The following DYNC2I1 variants were observed in gnomAD, a reference collection of about 807,000 sequenced individuals.
The protein encoded by DYNC2I1 is dynein 2 intermediate chain 1, also known as cytoplasmic dynein 2 intermediate chain 1.
Under a neutral mutation model 133.4 loss-of-function variants are expected in DYNC2I1, and 89 were observed. The ratio of observed to expected loss-of-function variants is 0.67; its 90% confidence interval spans 0.56 to 0.80. The LOEUF is 0.80. DYNC2I1 is among the 30% of genes least tolerant of loss of function. The probability of loss-of-function intolerance (pLI) is 0.00; values close to 1 mark genes in which losing one functional copy is unlikely to be tolerated. For synonymous variants in DYNC2I1, 504 were observed against 484.3 expected (o/e 1.04, Z -0.54); for missense variants, 1,291 against 1,314.5 (o/e 0.98, Z 0.28).
In DYNC2I1 at chr7:158,941,935, CG is replaced by C; in HGVS notation, c.2791del (p.Asp931ThrfsTer9). On this transcript the variant is annotated frameshift_variant, in exon 24 of 25. Transcript: ENST00000407559. LOFTEE classifies it high-confidence loss of function. ...TCTTCCTGGTCATAGGCCGGCTGTTCGGACGGAAGCATCAGGCTGCACCAGC... is the reference window on the plus strand; with the variant it reads ...TCTTCCTGGTCATAGGCCGGCTGTTCGACGGAAGCATCAGGCTGCACCAGC... ...FGEPIFLAGC[S>X]DGSIRLHQLS... The C allele has an allele frequency of 5.6e-6, 9 of 1,604,006 alleles. No individual in the cohort carries two copies. Among genetic ancestry groups the C allele is most frequent in the Non-Finnish European group, 7.7e-6 (9 of 1,175,248 alleles).
At chr7:158,953,060 G>A (rs1401759058) in intron 4 of DYNC2I1, among the ~76,000 whole-genome samples, 5 of 152,324 alleles carry the variant, frequency 3.3e-5, no homozygotes, top group East Asian at 3.9e-4. Flanking sequence ...AGGACAGGGC[G>A]CCCTGTGGCC....
rs563920241 is a variant in DYNC2I1, at chr7:158,921,388, G to A, written c.1922-989G>A. Among the ~76,000 whole-genome samples the A allele has an allele frequency of 9.2e-5, 14 of 152,254 alleles. 1 individual carries two copies. Among genetic ancestry groups the A allele is most frequent in the African/African-American group, 2.9e-4 (12 of 41,542 alleles). On this transcript the variant is annotated intron_variant, in intron 15 of 24. Coordinates refer to ENST00000407559, the MANE Select transcript of DYNC2I1 (RefSeq NM_018051.5). The stretch of plus-strand genomic sequence containing the variant: ...GCGTTGGTTGCCATATCATAGTTCC[G>A]CTGTAACAGGAGGTACACGTTCCTA...
At chr7:158,931,968 G>A (rs970130676) in intron 21 of DYNC2I1, among the ~76,000 whole-genome samples, 2 of 152,186 alleles carry the variant, frequency 1.3e-5, no homozygotes, top group Non-Finnish European at 1.5e-5. Flanking sequence ...GGAAAGGGCC[G>A]GGAGGAGGCA....
At chr7:158,881,680 C>T (rs1341398267) in intron 5 of DYNC2I1, among the ~76,000 whole-genome samples, 1 of 152,130 alleles carries the variant, frequency 6.6e-6, no homozygotes, top group East Asian at 1.9e-4. Flanking sequence ...GTCTCAATCT[C>T]CTGACCTCAT....
intron 11 of DYNC2I1, among the ~76,000 whole-genome samples, chr7:158,910,657 AGG>A (rs1847342868): frequency 7.1e-6 from 1 of 140,466 alleles, no homozygotes; most frequent in African/African-American, 2.7e-5. Context: ...GGGCAATTGG[AGG>A]GCAATTGGCT....
chr7:158,929,171 C>T (rs1849936062), intron 20 of DYNC2I1, among the ~76,000 whole-genome samples: 1 of 152,182 alleles, frequency 6.6e-6, no homozygotes, highest in Non-Finnish European at 1.5e-5. Context: ...TCCGACCAGC[C>T]CGTTGTTCAG....
chr7:158,941,791 T>G (rs145342621), intron 23 of DYNC2I1, 134 bp from the exon 24 acceptor site: 2 of 959,780 alleles, frequency 2.1e-6, no homozygotes, highest in Middle Eastern at 2.2e-4. Context: ...GGCAGGAGGA[T>G]TGATTGAGCC....
At chr7:158,873,787 C>T (rs1368230900) in intron 3 of DYNC2I1, among the ~76,000 whole-genome samples, 1 of 152,130 alleles carries the variant, frequency 6.6e-6, no homozygotes, top group East Asian at 1.9e-4. Flanking sequence ...GATAGAGTCT[C>T]ACTCTGTTGC....
chr7:158,846,015 T>C, the DYNC2I1 span, among the ~76,000 whole-genome samples: 1 of 152,148 alleles, frequency 6.6e-6, no homozygotes, highest in African/African-American at 2.4e-5. Flanking sequence ...TTTCCAGCAC[T>C]CTGGGAGGCC....
Position 158,913,062 on chromosome 7 carries a change from C to T in DYNC2I1, c.1668C>T (p.Thr556=). The change falls in exon 13 of 25, where the codon ACC becomes ACT. Residue 556 remains threonine, a synonymous_variant. Coordinates refer to ENST00000407559, the MANE Select transcript of DYNC2I1 (RefSeq NM_018051.5). Reference sequence around the variant, plus strand: ...AAATAGAGACCAGGGAAGTGTGGACCCAGCACCCGGGAGAAAGTACTGTTG... The same window carrying T: ...AAATAGAGACCAGGGAAGTGTGGACTCAGCACCCGGGAGAAAGTACTGTTG... ...TEEIETREVW[T]QHPGESTVVS... The T allele has an allele frequency of 6.2e-7, 1 of 1,613,322 alleles. No individual in the cohort carries two copies.
At chr7:158,857,472 C>T (rs983447188) in intron 1 of DYNC2I1, among the ~76,000 whole-genome samples, 1 of 151,740 alleles carries the variant, frequency 6.6e-6, no homozygotes, top group African/African-American at 2.4e-5. Flanking sequence ...TTTTCCCCAT[C>T]ACTTACCTTT....
rs1350664999 is a variant in DYNC2I1, at chr7:158,856,603, C to G, written c.-133C>G. The G allele has an allele frequency of 1.1e-6, 1 of 949,926 alleles. No individual in the cohort carries two copies. Among genetic ancestry groups the G allele is most frequent in the Non-Finnish European group, 1.4e-6 (1 of 732,068 alleles). The allele number at this position is 949,926 out of a possible 1,614,324, so 58.8% of individuals were successfully genotyped here. The stretch of plus-strand genomic sequence containing the variant: ...CTGGGCAGTGCTTCTGGGCCCTCTG[C>G]TGCTCCTGCTTGTCGGTTGCTAGGC... On this transcript the variant is annotated 5_prime_UTR_variant, in exon 1 of 25. Coordinates refer to ENST00000407559, the MANE Select transcript of DYNC2I1 (RefSeq NM_018051.5).
At chr7:158,929,676 C>CT (rs1850016254) in intron 20 of DYNC2I1, among the ~76,000 whole-genome samples, 1 of 152,254 alleles carries the variant, frequency 6.6e-6, no homozygotes, top group African/African-American at 2.4e-5. Flanking sequence ...GGGCTTATTT[C>CT]TATCTCCTTT....
At chr7:158,902,656 C>A in intron 10 of DYNC2I1, 61 bp downstream of exon 10, 2 of 1,450,368 alleles carry the variant, frequency 1.4e-6, no homozygotes, top group South Asian at 1.2e-5. Context: ...ACTGAGCCCT[C>A]ACAGATGCTG....
chr7:158,844,229 T>C, the DYNC2I1 span, among the ~76,000 whole-genome samples: 10 of 152,274 alleles, frequency 6.6e-5, no homozygotes, highest in African/African-American at 2.4e-4. Context: ...CAAAGGGAAA[T>C]ACATTTGAGA....
intron 4 of DYNC2I1, among the ~76,000 whole-genome samples, chr7:158,951,252 A>G (rs1379634738): frequency 1.3e-5 from 2 of 152,328 alleles, no homozygotes; most frequent in Middle Eastern, 3.4e-3. Flanking sequence ...AGAGGGAGGT[A>G]AATCATTGTC....
chr7:158,844,028 T>C, the DYNC2I1 span, among the ~76,000 whole-genome samples: 1 of 152,306 alleles, frequency 6.6e-6, no homozygotes, highest in African/African-American at 2.4e-5. Flanking sequence ...AAGTCAATCA[T>C]GCATTCTTCT....
In DYNC2I1 at chr7:158,932,747, A is replaced by T. The variant is rs10234399; in HGVS notation, c.2547-1382A>T. ...TTAGGAGGCTTCTGGAGTGACTGAC[A>T]TGAACAACCAGGATCTGAACAAAGG... On this transcript the variant is annotated intron_variant, in intron 21 of 24. Coordinates refer to ENST00000407559, the MANE Select transcript of DYNC2I1 (RefSeq NM_018051.5). Among the ~76,000 whole-genome samples the T allele has an allele frequency of 4.0e-3, 614 of 152,284 alleles. 11 individuals carry two copies. Among genetic ancestry groups the T allele is most frequent in the African/African-American group, 0.014 (562 of 41,560 alleles).
Position 158,941,921 on chromosome 7 carries a change from A to G in DYNC2I1, c.2779-4A>G. The G allele has an allele frequency of 6.3e-7, 1 of 1,594,670 alleles. No homozygotes were observed. Among genetic ancestry groups the G allele is most frequent in the Non-Finnish European group, 8.5e-7 (1 of 1,170,598 alleles). On this transcript the variant is annotated splice_polypyrimidine_tract_variant and splice_region_variant and intron_variant, in intron 23 of 24. Transcript: ENST00000407559. ...TCAGCAGTGTTCTTTCTTCCTGGTC[A>G]TAGGCCGGCTGTTCGGACGGAAGCA...
Sources: gnomAD v4.1 joint callset for allele counts (sites outside exome capture counted in the v4.1 genomes callset) on GRCh38, gnomAD v4.1.1 for gene constraint, MANE v1.5 for transcripts, NCBI Gene and HGNC (gene_info 2026-07-23, HGNC 2026-07-21) for gene names.